NPHS2: variants seen among roughly 807,000 people sequenced by gnomAD.
NPHS2 encodes the protein podocin.
NPHS2 carries 36 observed loss-of-function variants against 37.1 expected under a neutral mutation model. The ratio of observed to expected loss-of-function variants is 0.97; its 90% CI spans 0.74 to 1.28. The LOEUF is 1.28. Ranked by LOEUF, NPHS2 falls within the 50% of genes most tolerant of loss-of-function variation. The pLI is 0.00. For synonymous variants in NPHS2, 196 were observed against 189.3 expected (o/e 1.04, Z -0.29); for missense variants, 447 against 488.1 (o/e 0.92, Z 0.79).
chr1:179,564,017 G>A (rs374459793), intron 2 of NPHS2, among the ~76,000 whole-genome samples: 5 of 152,174 alleles, frequency 3.3e-5, no homozygotes, highest in Non-Finnish European at 5.9e-5. Flanking sequence ...ACCTTGCTCC[G>A]GAGTTCCCTT....
intron 2 of NPHS2, among the ~76,000 whole-genome samples, chr1:179,562,477 G>T (rs1316468983): frequency 6.6e-6 from 1 of 152,146 alleles, no homozygotes; most frequent in East Asian, 1.9e-4. Context: ...ATGAAAGAAT[G>T]ATTTGTGACT....
chr1:179,558,684 T>G (rs1048660624), intron 4 of NPHS2, among the ~76,000 whole-genome samples: 1 of 152,180 alleles, frequency 6.6e-6, no homozygotes, highest in African/African-American at 2.4e-5. Context: ...GCTGCACCAT[T>G]TTACATTTTC....
At chr1:179,554,585 A>G in intron 5 of NPHS2, 54 bp from the exon 6 acceptor site, 1 of 1,612,070 alleles carries the variant, frequency 6.2e-7, no homozygotes, top group Non-Finnish European at 8.5e-7. Context: ...GGAGGAGAGC[A>G]TGCCTAAACC....
chr1:179,570,765 T>C (rs1674524405), intron 1 of NPHS2, among the ~76,000 whole-genome samples: 2 of 152,242 alleles, frequency 1.3e-5, no homozygotes, highest in Admixed American at 1.3e-4. Flanking sequence ...TCGTTTCTTT[T>C]TACTCTTTTT....
chr1:179,568,259 A>G (rs1054983910), intron 1 of NPHS2, among the ~76,000 whole-genome samples: 12 of 152,066 alleles, frequency 7.9e-5, no homozygotes, highest in Admixed American at 2.6e-4. Context: ...CAGAGATTTG[A>G]CTTCTTCCTG....
chr1:179,571,738 C>T (rs1484489507), intron 1 of NPHS2, among the ~76,000 whole-genome samples: 1 of 152,256 alleles, frequency 6.6e-6, no homozygotes, highest in African/African-American at 2.4e-5. Context: ...TTCAAGCTTC[C>T]TGGCTACTTT....
rs780873703 is a variant in NPHS2 at position 179,575,912 on chromosome 1, G to C, written c.-48C>G. ...GAGCAGCAGCGCGGGAGCGCTAGGG[G>C]CACGGGAGCGCAGTCCCTGTGGAGT... On this transcript the variant is annotated 5_prime_UTR_variant, in exon 1 of 8. Transcript: ENST00000367615. The C allele has an allele frequency of 2.2e-5, 30 of 1,360,174 alleles. No individual in the cohort carries two copies. The African/African-American group carries it at 3.4e-4, about 15-fold the overall frequency. 84.3% of individuals were successfully genotyped at this position (1,360,174 alleles called of 1,614,324 possible).
At chr1:179,552,327 A>T in intron 7 of NPHS2, 1 of 513,890 alleles carries the variant, frequency 1.9e-6, no homozygotes, top group Non-Finnish European at 3.5e-6. Context: ...AGAGGGATTG[A>T]TGTGTGTGGA....
intron 1 of NPHS2, among the ~76,000 whole-genome samples, chr1:179,567,364 G>C (rs568295796): frequency 6.6e-6 from 1 of 152,218 alleles, no homozygotes; most frequent in Admixed American, 6.5e-5. Context: ...TTGGCTCTCT[G>C]TTTTTCTGAT....
At position 179,575,922 on chromosome 1, in the gene NPHS2, G is replaced by A. The variant is rs1278025312; in HGVS notation, c.-58C>T. On this transcript the variant is annotated 5_prime_UTR_variant, in exon 1 of 8. Transcript: ENST00000367615. Reference sequence around the variant, plus strand: ...GCGGGAGCGCTAGGGGCACGGGAGCGCAGTCCCTGTGGAGTCGCTGCGGGT... The same window carrying A: ...GCGGGAGCGCTAGGGGCACGGGAGCACAGTCCCTGTGGAGTCGCTGCGGGT... The A allele has an allele frequency of 3.7e-6, 5 of 1,341,926 alleles. No individual in the cohort carries two copies. The highest frequency in any genetic ancestry group is 2.9e-5 in the East Asian group (1 of 34,202). 83.1% of individuals were successfully genotyped at this position (1,341,926 alleles called of 1,614,324 possible). A position where few individuals can be genotyped will look rare whatever the true frequency, so the allele number is the denominator to read the frequency against.
chr1:179,554,532 C>G lies in NPHS2; in HGVS notation c.739-1G>C. ...TACAGGTCACTGAATCCAAGGCAAC[C>G]TGTGGAAAGAAGAATTCAGATGTCA... On this transcript the variant is annotated splice_acceptor_variant, in intron 5 of 7. Coordinates refer to ENST00000367615, the MANE Select transcript of NPHS2 (RefSeq NM_014625.4). LOFTEE classifies it high-confidence loss of function. The G allele has an allele frequency of 6.2e-7, 1 of 1,614,146 alleles. No homozygotes were observed. The highest frequency in any genetic ancestry group is 8.5e-7 in the Non-Finnish European group (1 of 1,180,010).
chr1:179,568,722 A>G (rs2101877334), intron 1 of NPHS2, among the ~76,000 whole-genome samples: 1 of 152,296 alleles, frequency 6.6e-6, no homozygotes, highest in East Asian at 1.9e-4. Flanking sequence ...CCTGCTTTAA[A>G]TGCGTCCCAG....
At chr1:179,561,251 G>A (rs775825921) in intron 3 of NPHS2, 38 bp downstream of exon 3, 36 of 1,463,978 alleles carry the variant, frequency 2.5e-5, no homozygotes, top group Non-Finnish European at 3.4e-5. Context: ...TGGCAAGTCA[G>A]GAGAGAGGTG....
chr1:179,564,372 A>C (rs887199200), intron 2 of NPHS2, among the ~76,000 whole-genome samples: 1 of 152,324 alleles, frequency 6.6e-6, no homozygotes, highest in South Asian at 2.1e-4. Flanking sequence ...AGTGGATGTC[A>C]TGATCCATTC....
In NPHS2 at chr1:179,551,143, C is replaced by T. The variant is rs762246275; in HGVS notation, c.*30G>A. On this transcript the variant is annotated 3_prime_UTR_variant, in exon 8 of 8. Coordinates refer to ENST00000367615, the MANE Select transcript of NPHS2 (RefSeq NM_014625.4). ...GCATGTGACTTTTCTATGGCAGGCCCCTTTACAGTCACATTATGCCCCATC... is the reference window on the plus strand; with the variant it reads ...GCATGTGACTTTTCTATGGCAGGCCTCTTTACAGTCACATTATGCCCCATC... The T allele has an allele frequency of 1.9e-6, 3 of 1,612,988 alleles. No individual in the cohort carries two copies. Among genetic ancestry groups the T allele is most frequent in the South Asian group, 1.1e-5 (1 of 91,044 alleles).
chr1:179,571,858 C>T (rs1316731582), intron 1 of NPHS2, among the ~76,000 whole-genome samples: 7 of 152,188 alleles, frequency 4.6e-5, no homozygotes, highest in Non-Finnish European at 1.0e-4. Flanking sequence ...GCTCCTTGGG[C>T]ATGGGACCCA....
intron 1 of NPHS2, among the ~76,000 whole-genome samples, chr1:179,570,430 A>G (rs1316363151): frequency 6.6e-6 from 1 of 152,236 alleles, no homozygotes; most frequent in African/African-American, 2.4e-5. Flanking sequence ...GCCGAATGAA[A>G]GGAATAGGTT....
chr1:179,575,568 A>C (rs371575375), intron 1 of NPHS2, 23 bp downstream of exon 1: 2 of 1,599,768 alleles, frequency 1.3e-6, no homozygotes, highest in East Asian at 2.2e-5. Context: ...GAAAAGTAGC[A>C]GATAGTGGTG....
intron 4 of NPHS2, among the ~76,000 whole-genome samples, 190 bp from the exon 5 acceptor site, chr1:179,557,420 A>G (rs1186700572): frequency 6.6e-6 from 1 of 152,232 alleles, no homozygotes; most frequent in African/African-American, 2.4e-5. Context: ...AAGAATGCAC[A>G]ACTTAATCCT....
Sources: gnomAD v4.1 joint callset for allele counts (sites outside exome capture counted in the v4.1 genomes callset) on GRCh38, gnomAD v4.1.1 for gene constraint, MANE v1.5 for transcripts, NCBI Gene and HGNC (gene_info 2026-07-23, HGNC 2026-07-21) for gene names.